RGS6: variants seen among roughly 807,000 people sequenced by gnomAD.
RGS6 encodes regulator of G protein signaling 6.
Under a neutral mutation model 78.5 loss-of-function variants are expected in RGS6, and 30 were observed. That is an observed-to-expected ratio of 0.38 (90% confidence interval 0.29 to 0.52). The LOEUF is 0.52. Among genes scored for constraint, RGS6 ranks in the 20% least tolerant of loss-of-function variants. The pLI is 0.85. For missense variants in RGS6, 495 were observed against 609.7 expected (o/e 0.81, Z 1.98); for synonymous variants, 206 against 206.0 (o/e 1.00, Z 0.00).
chr14:72,523,445 A>G (rs56771173), intron 15 of RGS6, among the ~76,000 whole-genome samples: 8,549 of 152,168 alleles, frequency 0.056, 545 homozygotes, highest in African/African-American at 0.15. Context: ...AACCCCCTGC[A>G]GTGGTCATAT....
chr14:72,176,359 G>A (rs950480764), intron 2 of RGS6, among the ~76,000 whole-genome samples: 4 of 152,178 alleles, frequency 2.6e-5, no homozygotes, highest in Non-Finnish European at 5.9e-5. Context: ...GGGGGAAATG[G>A]GATTTTGCTC....
At chr14:72,266,129 G>A (rs984609420) in intron 2 of RGS6, among the ~76,000 whole-genome samples, 21 of 152,226 alleles carry the variant, frequency 1.4e-4, no homozygotes, top group African/African-American at 4.1e-4. Flanking sequence ...TTTGCTCCTC[G>A]CTGTATTGAA....
At chr14:72,354,690 G>T (rs1315574725) in intron 3 of RGS6, among the ~76,000 whole-genome samples, 3 of 151,924 alleles carry the variant, frequency 2.0e-5, no homozygotes, top group African/African-American at 7.3e-5. Flanking sequence ...AATTCCATTT[G>T]TGAGGGGCCC....
intron 1 of RGS6, among the ~76,000 whole-genome samples, chr14:71,962,188 C>T (rs1595293752): frequency 6.6e-6 from 1 of 152,206 alleles, no homozygotes; most frequent in Non-Finnish European, 1.5e-5. Flanking sequence ...AAATTCTTCA[C>T]ACAGAGACTA....
intron 3 of RGS6, 151 bp downstream of exon 3, chr14:72,352,345 G>C (rs1250381124): frequency 1.2e-5 from 7 of 568,366 alleles, no homozygotes; most frequent in African/African-American, 1.9e-5. Context: ...CCTAGTCTTA[G>C]TTTCCAGGAA....
downstream of RGS6, among the ~76,000 whole-genome samples, chr14:72,567,160 T>A (rs893162321): frequency 4.6e-5 from 7 of 152,196 alleles, no homozygotes; most frequent in Admixed American, 1.3e-4. Context: ...AGAAATGATT[T>A]CAGAGGCATG....
chr14:72,579,285 G>A, the RGS6 span, among the ~76,000 whole-genome samples: 2 of 152,176 alleles, frequency 1.3e-5, no homozygotes, highest in Admixed American at 1.3e-4. Context: ...GCCTCTAAAT[G>A]GGTAATCATT....
chr14:72,327,570 T>C (rs1336609038), intron 2 of RGS6, among the ~76,000 whole-genome samples: 1 of 152,228 alleles, frequency 6.6e-6, no homozygotes, highest in African/African-American at 2.4e-5. Flanking sequence ...ACATCACCAG[T>C]CAGGTGTACT....
At chr14:72,118,837 TA>T (rs2095974569) in intron 2 of RGS6, among the ~76,000 whole-genome samples, 1 of 152,142 alleles carries the variant, frequency 6.6e-6, no homozygotes, top group Non-Finnish European at 1.5e-5. Context: ...GCTAGAAAAA[TA>T]GGAGTGGTTT....
the RGS6 span, among the ~76,000 whole-genome samples, chr14:72,583,150 C>T: frequency 1.3e-5 from 2 of 152,152 alleles, no homozygotes; most frequent in Non-Finnish European, 2.9e-5. Context: ...GGGTCTCAGG[C>T]CGTCAGCCTC....
intron 2 of RGS6, among the ~76,000 whole-genome samples, chr14:72,323,437 TAAA>T (rs1037525162): frequency 7.3e-6 from 1 of 137,414 alleles, no homozygotes; most frequent in Non-Finnish European, 1.6e-5. Flanking sequence ...TGCAATGCAA[TAAA>T]AAAAAAAACA....
chr14:72,551,686 T>G (rs983020057), intron 17 of RGS6, among the ~76,000 whole-genome samples: 1 of 152,244 alleles, frequency 6.6e-6, no homozygotes, highest in South Asian at 2.1e-4. Context: ...GGCAAGTCAC[T>G]TGCATGTCTG....
intron 3 of RGS6, among the ~76,000 whole-genome samples, chr14:72,396,588 C>G (rs1345428023): frequency 1.3e-5 from 2 of 152,038 alleles, no homozygotes; most frequent in African/African-American, 4.8e-5. Context: ...GTTGCCATTG[C>G]TTTTGGTGTT....
At chr14:71,943,877 A>T (rs1183135902) in intron 1 of RGS6, among the ~76,000 whole-genome samples, 2 of 152,182 alleles carry the variant, frequency 1.3e-5, no homozygotes, top group African/African-American at 4.8e-5. Context: ...TAGTATTGGT[A>T]GGAATTCATG....
the RGS6 span, among the ~76,000 whole-genome samples, chr14:71,873,757 G>A: frequency 6.6e-6 from 1 of 152,154 alleles, no homozygotes; most frequent in Non-Finnish European, 1.5e-5. Flanking sequence ...TTTTCTTCTA[G>A]GGTTTTTATG....
chr14:72,559,023 C>CA lies in RGS6; in HGVS notation c.1423-3393dup, dbSNP rs1447675786. Reference sequence around the variant, plus strand: ...CCAACACTGAGGAACATTACACACTCACACCCTGAAAAAAACCTGCTTCCT... The same window carrying CA: ...CCAACACTGAGGAACATTACACACTCAACACCCTGAAAAAAACCTGCTTCCT... On this transcript the variant is annotated intron_variant, in intron 17 of 17. Coordinates refer to ENST00000553525, the MANE Select transcript of RGS6 (RefSeq NM_001204424.2). Among the ~76,000 whole-genome samples, 57 of 152,310 alleles carry CA rather than the reference C, an allele frequency of 3.7e-4. 1 individual carries two copies. Among genetic ancestry groups the CA allele is most frequent in the Admixed American group, 2.8e-3 (43 of 15,306 alleles).
chr14:72,550,465 A>T (rs75447519), intron 17 of RGS6: 30,989 of 1,535,468 alleles, frequency 0.02, 408 homozygotes, highest in Non-Finnish European at 0.025. Context: ...GAAAAGACAG[A>T]CTGTCAAGCA....
chr14:72,318,526 T>C (rs1223431271), intron 2 of RGS6, among the ~76,000 whole-genome samples: 1 of 152,192 alleles, frequency 6.6e-6, no homozygotes, highest in East Asian at 1.9e-4. Context: ...AGCATAAATT[T>C]TGCTTTCAAA....
chr14:72,161,722 T>A (rs149674), intron 2 of RGS6, among the ~76,000 whole-genome samples: 76 of 152,172 alleles, frequency 5.0e-4, no homozygotes, highest in African/African-American at 1.6e-3. Flanking sequence ...TACAGGAGTG[T>A]GGAGTAACAA....
Sources: gnomAD v4.1 joint callset for allele counts (sites outside exome capture counted in the v4.1 genomes callset) on GRCh38, gnomAD v4.1.1 for gene constraint, MANE v1.5 for transcripts, NCBI Gene and HGNC (gene_info 2026-07-23, HGNC 2026-07-21) for gene names.